Variants in PPP1R11 observed in about 807,000 individuals in gnomAD.
PPP1R11 encodes the protein E3 ubiquitin-protein ligase PPP1R11.
Under a neutral mutation model 11.3 loss-of-function variants are expected in PPP1R11, and 10 were observed. The ratio of observed to expected loss-of-function variants is 0.88; its 90% CI spans 0.55 to 1.50. The LOEUF is 1.50. PPP1R11 is among the 40% of genes most tolerant of loss of function. PPP1R11 has a pLI of 0.00. For synonymous variants in PPP1R11, 56 were observed against 62.3 expected (o/e 0.90, Z 0.48); for missense variants, 114 against 179.1 (o/e 0.64, Z 2.07).
At chr6:30,062,152 C>T (rs865974875), upstream of PPP1R11, 6 of 1,454,376 alleles carry the variant, frequency 4.1e-6, no homozygotes, top group Admixed American at 1.7e-5. Flanking sequence ...GTTTGAGAGG[C>T]GTGATCGCCT....
upstream of PPP1R11, chr6:30,064,774 C>T: frequency 1.5e-6 from 2 of 1,337,266 alleles, no homozygotes; most frequent in Non-Finnish European, 2.1e-6. Context: ...ATGCCTTGTC[C>T]ATCCTGTCTG....
At chr6:30,061,994 G>A, upstream of PPP1R11, 1 of 1,613,126 alleles carries the variant, frequency 6.2e-7, no homozygotes, top group Non-Finnish European at 8.5e-7. The surrounding 1 kb of genome is among the most constrained non-coding windows in gnomAD (Gnocchi z 5.0). Flanking sequence ...GGTGGAGGAA[G>A]GGCCTGAGTG....
At position 30,068,583 on chromosome 6, in the gene PPP1R11, C is replaced by T. The variant is rs779102127; in HGVS notation, c.70-7C>T. On this transcript the variant is annotated splice_polypyrimidine_tract_variant and splice_region_variant and intron_variant, in intron 1 of 2. Transcript: ENST00000376772. ...CTAGATAGGTATGCTCATCCTTAAC[C>T]TTCTAGGAGAACCGGAGCCTTACCA... 7.5e-6 allele frequency: 12 copies of T among 1,610,250 alleles called. No individual in the cohort carries two copies. The highest frequency in any genetic ancestry group is 1.3e-5 in the African/African-American group (1 of 74,926).
At chr6:30,061,706 G>T in the PPP1R11 span, 1 of 1,610,784 alleles carries the variant, frequency 6.2e-7, no homozygotes, top group Non-Finnish European at 8.5e-7. This position sits in a 1 kb window ranked among gnomAD's most constrained non-coding sequence, Gnocchi z 5.0. Flanking sequence ...GGCGGAGGGC[G>T]CAGGGTCGGA....
At chr6:30,062,306 CTG>C, upstream of PPP1R11, 1 of 1,612,760 alleles carries the variant, frequency 6.2e-7, no homozygotes, top group South Asian at 1.1e-5. Flanking sequence ...GAAGGGCAAA[CTG>C]TCTTCTACAC....
chr6:30,062,714 C>CCTTTTTTTTTTTTTTTTTTTTT (rs749507630), upstream of PPP1R11, among the ~76,000 whole-genome samples: 9 of 42,388 alleles, frequency 2.1e-4, 1 homozygote, highest in Admixed American at 6.0e-4. Context: ...CCACGCCTGG[C>CCTTTTTTTTTTTTTTTTTTTTT]TTTTTTTTTT....
chr6:30,067,072 C>A, upstream of PPP1R11: 2 of 321,602 alleles, frequency 6.2e-6, no homozygotes. Flanking sequence ...ACACCCCTTC[C>A]GCCAAATTTG....
the PPP1R11 span, chr6:30,061,492 T>G: frequency 1.2e-6 from 2 of 1,609,946 alleles, no homozygotes; most frequent in East Asian, 4.5e-5. The surrounding 1 kb of genome is among the most constrained non-coding windows in gnomAD (Gnocchi z 5.0). Context: ...CTTTTGTTAA[T>G]AAACTTCCAA....
intron 1 of PPP1R11, 143 bp downstream of exon 1, chr6:30,067,622 G>C: frequency 1.9e-6 from 2 of 1,047,246 alleles, no homozygotes; most frequent in Non-Finnish European, 2.8e-6. Context: ...GGGAGAATCG[G>C]AAGGTATTGG....
At chr6:30,061,353 T>C in the PPP1R11 span, 2 of 684,584 alleles carry the variant, frequency 2.9e-6, no homozygotes, top group Non-Finnish European at 4.8e-6. This position sits in a 1 kb window ranked among gnomAD's most constrained non-coding sequence, Gnocchi z 5.0. Context: ...CGACGCTGTC[T>C]GGGAATTCCG....
At chr6:30,063,444 AC>A (rs1765274193), upstream of PPP1R11, among the ~76,000 whole-genome samples, 1 of 151,690 alleles carries the variant, frequency 6.6e-6, no homozygotes, top group African/African-American at 2.4e-5. This position sits in a 1 kb window ranked among gnomAD's most constrained non-coding sequence, Gnocchi z 4.1. Context: ...CTATTTAATT[AC>A]TTTTCAAATC....
chr6:30,066,857 A>T, upstream of PPP1R11: 1 of 154,116 alleles, frequency 6.5e-6, no homozygotes, highest in South Asian at 1.8e-4. Context: ...TTGCTCCTTA[A>T]GCTTCCTCGC....
Position 30,067,437 on chromosome 6 carries a change from C to T in PPP1R11, c.27C>T (p.Ser9=), listed in dbSNP as rs763866027. 6.2e-7 allele frequency: 1 copy of T among 1,614,112 alleles called. No homozygotes were observed. The highest frequency in any genetic ancestry group is 1.3e-5 in the African/African-American group (1 of 75,014). ...TGGCCGAGGCAGGGGCTGGGCTGAG[C>T]GAGACCGTCACTGAGACAACGGTTA... MAEAGAGL[S]ETVTETTVTV... The change falls in exon 1 of 3, where the codon AGC becomes AGT. Residue 9 remains serine (S), a synonymous_variant. Coordinates refer to ENST00000376772, the MANE Select transcript of PPP1R11 (RefSeq NM_021959.3).
chr6:30,064,994 G>A (rs111327592), upstream of PPP1R11: 259 of 310,908 alleles, frequency 8.3e-4, 2 homozygotes, highest in African/African-American at 4.6e-3. Context: ...AAGAAAAGGG[G>A]GAAAAATTAG....
chr6:30,061,896 A>G, upstream of PPP1R11: 1 of 1,611,642 alleles, frequency 6.2e-7, no homozygotes, highest in Non-Finnish European at 8.5e-7. The surrounding 1 kb of genome is among the most constrained non-coding windows in gnomAD (Gnocchi z 5.0). Context: ...CTCCATAACC[A>G]GTTCTTACTT....
chr6:30,068,813 C>A, intron 2 of PPP1R11, 115 bp downstream of exon 2: 1 of 981,126 alleles, frequency 1.0e-6, no homozygotes. Context: ...AGTTCTGTCA[C>A]TTTTTTGGTG....
At chr6:30,065,948 G>T (rs1002460014), upstream of PPP1R11, among the ~76,000 whole-genome samples, 1 of 152,102 alleles carries the variant, frequency 6.6e-6, no homozygotes, top group Non-Finnish European at 1.5e-5. This position sits in a 1 kb window ranked among gnomAD's most constrained non-coding sequence, Gnocchi z 5.3. Context: ...TGATCAAGGG[G>T]TTACTGTAAT....
intron 1 of PPP1R11, chr6:30,068,372 T>C (rs1765683535): frequency 6.9e-6 from 3 of 432,288 alleles, no homozygotes; most frequent in Middle Eastern, 5.9e-4. Context: ...TTGTGTCTTC[T>C]CTTATACTGG....
At chr6:30,063,795 T>A (rs1337585502), upstream of PPP1R11, among the ~76,000 whole-genome samples, 1 of 152,202 alleles carries the variant, frequency 6.6e-6, no homozygotes, top group Admixed American at 6.5e-5. The surrounding 1 kb of genome is among the most constrained non-coding windows in gnomAD (Gnocchi z 4.1). Flanking sequence ...GGAATTACTT[T>A]AAATAAATTC....
Sources: allele counts gnomAD v4.1 joint callset (sites outside exome capture counted in the v4.1 genomes callset), GRCh38; gene constraint gnomAD v4.1.1; non-coding constraint Gnocchi (gnomAD v3.1); transcripts MANE v1.5; gene names NCBI Gene and HGNC (gene_info 2026-07-23, HGNC 2026-07-21).